The following SEMA3A variants were observed in gnomAD, a reference collection of about 807,000 sequenced individuals.
The protein encoded by SEMA3A is semaphorin 3A, also known as semaphorin-3A.
A neutral mutation model predicts 97.9 loss-of-function variants in SEMA3A; 29 were observed. The ratio of observed to expected loss-of-function variants is 0.30; its 90% confidence interval spans 0.22 to 0.40. The LOEUF is 0.40. SEMA3A is among the 10% of genes least tolerant of loss of function. The pLI is 1.00. For missense variants in SEMA3A, 763 were observed against 951.3 expected, an observed-to-expected ratio of 0.80 and a Z score of 2.60; for synonymous variants, 321 against 323.7, an observed-to-expected ratio of 0.99 and a Z score of 0.09.
intron 1 of SEMA3A, among the ~76,000 whole-genome samples, chr7:84,473,020 A>T (rs1174284852): frequency 6.6e-6 from 1 of 152,118 alleles, no homozygotes; most frequent in Admixed American, 6.5e-5. Context: ...TCTAGGTCTA[A>T]ATTACAGCTC....
At chr7:84,472,306 T>C (rs1329407409) in intron 1 of SEMA3A, among the ~76,000 whole-genome samples, 2 of 152,148 alleles carry the variant, frequency 1.3e-5, no homozygotes, top group African/African-American at 4.8e-5. Context: ...TGCAGAAATT[T>C]TGAGGAAGAC....
chr7:84,161,795 G>T (rs1240400840), intron 1 of SEMA3A, among the ~76,000 whole-genome samples: 1 of 152,142 alleles, frequency 6.6e-6, no homozygotes, highest in Non-Finnish European at 1.5e-5. Context: ...AAATGTGAGA[G>T]GCTGACTGTA....
chr7:84,161,859 A>G (rs901281234), intron 1 of SEMA3A, among the ~76,000 whole-genome samples: 8 of 152,188 alleles, frequency 5.3e-5, no homozygotes, highest in African/African-American at 1.9e-4. Flanking sequence ...AAAAACTAAT[A>G]TTTAAGTTCA....
At chr7:84,009,754 T>C (rs938785217) in intron 9 of SEMA3A, among the ~76,000 whole-genome samples, 1 of 149,084 alleles carries the variant, frequency 6.7e-6, no homozygotes, top group Non-Finnish European at 1.5e-5. Flanking sequence ...AGGAGAAGGA[T>C]GAGGAAAGAG....
At chr7:84,459,331 A>G (rs1193789018) in intron 1 of SEMA3A, among the ~76,000 whole-genome samples, 1 of 152,212 alleles carries the variant, frequency 6.6e-6, no homozygotes, top group East Asian at 1.9e-4. Context: ...TTTTGATACA[A>G]AATAAATTCT....
chr7:84,001,222 T>G (rs1419566814), intron 12 of SEMA3A, among the ~76,000 whole-genome samples: 1 of 152,166 alleles, frequency 6.6e-6, no homozygotes, highest in Non-Finnish European at 1.5e-5. Context: ...TTCTATTAGC[T>G]GACTTCCCAA....
chr7:84,187,997 G>A (rs1280968675), intron 1 of SEMA3A, among the ~76,000 whole-genome samples: 1 of 152,016 alleles, frequency 6.6e-6, no homozygotes, highest in Non-Finnish European at 1.5e-5. Flanking sequence ...ACTCCAGTGG[G>A]TCATGTTATA....
chr7:84,439,171 G>A lies in SEMA3A; in HGVS notation c.-246+53289C>T, dbSNP rs142910632. Among the ~76,000 whole-genome samples, 640 of 152,074 alleles carry A rather than the reference G, an allele frequency of 4.2e-3. 8 individuals are homozygous for A. Among genetic ancestry groups the A allele is most frequent in the African/African-American group, 0.015 (613 of 41,492 alleles). On this transcript the variant is annotated intron_variant, in intron 1 of 3. Transcript: ENST00000424555. ...TTGTGATTTAAGGACTTACAAATAA[G>A]AGACTGGCAAATGGCTTTTCTTCTT...
chr7:84,058,385 G>T (rs796940373), intron 5 of SEMA3A, among the ~76,000 whole-genome samples: 66 of 152,250 alleles, frequency 4.3e-4, no homozygotes, highest in Non-Finnish European at 5.1e-4. Flanking sequence ...ATGTTAAAAA[G>T]CTCCATTAAA....
chr7:84,201,698 C>T (rs928445125), intron 3 of SEMA3A, among the ~76,000 whole-genome samples: 2 of 152,118 alleles, frequency 1.3e-5, no homozygotes, highest in African/African-American at 4.8e-5. Flanking sequence ...GAACTAATCT[C>T]TTTGAAAATC....
At chr7:84,344,538 TG>T (rs1562911802) in intron 2 of SEMA3A, among the ~76,000 whole-genome samples, 1 of 152,148 alleles carries the variant, frequency 6.6e-6, no homozygotes, top group Non-Finnish European at 1.5e-5. Flanking sequence ...AGCTAGACTT[TG>T]CTGGTTAGAG....
chr7:84,027,273 G>C (rs1791582542), intron 6 of SEMA3A, among the ~76,000 whole-genome samples: 2 of 151,970 alleles, frequency 1.3e-5, no homozygotes, highest in African/African-American at 4.8e-5. Context: ...CTTACCACTT[G>C]GGATTCCCAC....
intron 2 of SEMA3A, among the ~76,000 whole-genome samples, chr7:84,337,792 AT>A (rs1164397915): frequency 6.6e-6 from 1 of 152,070 alleles, no homozygotes; most frequent in African/African-American, 2.4e-5. Flanking sequence ...GAGTTGGCAC[AT>A]GTTCGTCTTG....
chr7:84,079,095 T>G (rs1794057389), intron 4 of SEMA3A, among the ~76,000 whole-genome samples: 1 of 152,148 alleles, frequency 6.6e-6, no homozygotes, highest in Non-Finnish European at 1.5e-5. Context: ...CATCTTTGCA[T>G]CAAATAAACA....
upstream of SEMA3A, among the ~76,000 whole-genome samples, chr7:84,196,133 C>G (rs1460950773): frequency 6.6e-6 from 1 of 151,998 alleles, no homozygotes; most frequent in Non-Finnish European, 1.5e-5. Context: ...ACTCCCCACC[C>G]CCCACCTCCA....
chr7:84,400,703 AG>A (rs1211981604), intron 1 of SEMA3A, among the ~76,000 whole-genome samples: 1 of 152,232 alleles, frequency 6.6e-6, no homozygotes, highest in African/African-American at 2.4e-5. Flanking sequence ...AAATAGGGGT[AG>A]AAAGTTTATT....
chr7:84,018,250 T>C (rs55721141), intron 6 of SEMA3A, among the ~76,000 whole-genome samples: 1 of 151,980 alleles, frequency 6.6e-6, no homozygotes, highest in Non-Finnish European at 1.5e-5. Context: ...CAGGGAAGAA[T>C]GATCTTTTCT....
intron 2 of SEMA3A, among the ~76,000 whole-genome samples, chr7:84,345,670 A>C (rs1220479650): frequency 1.3e-5 from 2 of 152,160 alleles, no homozygotes; most frequent in East Asian, 3.9e-4. Flanking sequence ...TATCCATTGG[A>C]GTTTTAACAT....
At chr7:84,098,456 T>C (rs2115885906) in intron 4 of SEMA3A, among the ~76,000 whole-genome samples, 1 of 152,192 alleles carries the variant, frequency 6.6e-6, no homozygotes, top group Non-Finnish European at 1.5e-5. Context: ...CTAGAATTTC[T>C]ACAGAGAGAA....
Sources: allele counts gnomAD v4.1 joint callset (sites outside exome capture counted in the v4.1 genomes callset), GRCh38; gene constraint gnomAD v4.1.1; transcripts MANE v1.5; gene names NCBI Gene and HGNC (gene_info 2026-07-23, HGNC 2026-07-21).